GLB1L3: variants seen among roughly 807,000 people sequenced by gnomAD.
The protein encoded by GLB1L3 is beta-galactosidase-1-like protein 3.
A neutral mutation model predicts 89.5 loss-of-function variants in GLB1L3; 89 were observed. That is an observed-to-expected ratio of 0.99 (90% CI 0.84 to 1.19). The LOEUF (loss-of-function observed/expected upper bound fraction) is 1.19, where lower values mean the gene tolerates loss of function less well. Among genes scored for constraint, GLB1L3 ranks in the 50% most tolerant of loss-of-function variants. The pLI is 0.00. For synonymous variants in GLB1L3, 314 were observed against 312.3 expected (o/e 1.01, Z -0.06); for missense variants, 812 against 813.3 (o/e 1.00, Z 0.02).
At position 134,288,824 on chromosome 11, in the gene GLB1L3, G is replaced by A. The variant is rs1591544799; in HGVS notation, c.663G>A (p.Ala221=). The A allele has an allele frequency of 1.9e-6, 3 of 1,613,260 alleles. No homozygotes were observed. The highest frequency in any genetic ancestry group is 2.5e-6 in the Non-Finnish European group (3 of 1,179,640). The change falls in exon 7 of 20, where the codon GCG becomes GCA. Residue 221 remains alanine, a synonymous_variant. Coordinates refer to ENST00000431683, the MANE Select transcript of GLB1L3 (RefSeq NM_001080407.3). ...LQYRQAGPVI[A]VQVENEYGSF... ...ACCGCCAGGCAGGCCCTGTCATCGCGGTGCAAGTGGAGAATGAGTATGGCT... is the reference window on the plus strand; with the variant it reads ...ACCGCCAGGCAGGCCCTGTCATCGCAGTGCAAGTGGAGAATGAGTATGGCT...
In GLB1L3 at chr11:134,307,108, T is replaced by C; in HGVS notation, c.877-16T>C. 1 of 1,605,112 alleles carries C rather than the reference T, an allele frequency of 6.2e-7. No homozygotes were observed. Among genetic ancestry groups the C allele is most frequent in the Non-Finnish European group, 8.5e-7 (1 of 1,173,986 alleles). ...GTTTTTTGCCAGACTTAGTATTTGCTTTGGTTTGTTTTTAGAGAGATAAGC... is the reference window on the plus strand; with the variant it reads ...GTTTTTTGCCAGACTTAGTATTTGCCTTGGTTTGTTTTTAGAGAGATAAGC... On this transcript the variant is annotated splice_polypyrimidine_tract_variant and intron_variant, in intron 9 of 19. Transcript: ENST00000431683.
At chr11:134,311,251 G>A in intron 13 of GLB1L3, 81 bp downstream of exon 13, 2 of 1,003,068 alleles carry the variant, frequency 2.0e-6, no homozygotes, top group Non-Finnish European at 1.6e-6. Flanking sequence ...TTTTTATTAG[G>A]AAGTGGGAAA....
intron 10 of GLB1L3, among the ~76,000 whole-genome samples, chr11:134,308,627 AT>A (rs1942543923): frequency 6.7e-6 from 1 of 149,032 alleles, no homozygotes; most frequent in Admixed American, 6.7e-5. Flanking sequence ...TATCACCACC[AT>A]CACCATCAAC....
intron 9 of GLB1L3, among the ~76,000 whole-genome samples, chr11:134,298,147 T>C (rs1183959483): frequency 6.6e-6 from 1 of 152,044 alleles, no homozygotes; most frequent in Non-Finnish European, 1.5e-5. Flanking sequence ...GAGTGTAATA[T>C]GCCTAGATGT....
chr11:134,318,759 C>T lies in GLB1L3; in HGVS notation c.1896+12C>T. 1 of 1,569,596 alleles carries T rather than the reference C, an allele frequency of 6.4e-7. No homozygotes were observed. The highest frequency in any genetic ancestry group is 8.8e-7 in the Non-Finnish European group (1 of 1,140,342). On this transcript the variant is annotated intron_variant, in intron 19 of 19. Coordinates refer to ENST00000431683, the MANE Select transcript of GLB1L3 (RefSeq NM_001080407.3). The stretch of plus-strand genomic sequence containing the variant: ...CAGAAGACAATGAGGTATGTCACTC[C>T]AGTCTCTGCCTTGAGATCTCATAAA...
intron 9 of GLB1L3, chr11:134,305,003 CTAACAATGTATCTTAGTGGCATAA>C (rs1221851450): frequency 3.2e-6 from 4 of 1,235,444 alleles, no homozygotes; most frequent in Admixed American, 2.5e-5. Flanking sequence ...TGCGACTGCG[CTAACAATGTATCTTAGTGGCATAA>C]TAACAATGTA....
rs543143367 is a variant in GLB1L3 at position 134,300,318 on chromosome 11, T to C, written c.877-6806T>C. 3.6e-4 allele frequency among the ~76,000 whole-genome samples: 50 copies of C among 137,120 alleles called. No homozygotes were observed. In the South Asian group the frequency reaches 0.012, roughly 32 times the overall value. 90.0% of individuals were successfully genotyped at this position (137,120 alleles called of 152,430 possible). A position where few individuals can be genotyped will look rare whatever the true frequency, so the allele number is the denominator to read the frequency against. ...ACCAGACATATTGGATTAGGGCCCA[T>C]CCTATTGACCACATTTTTTTTTTTT... On this transcript the variant is annotated intron_variant, in intron 9 of 19. Coordinates refer to ENST00000431683, the MANE Select transcript of GLB1L3 (RefSeq NM_001080407.3).
intron 12 of GLB1L3, 39 bp downstream of exon 12, chr11:134,310,690 C>A: frequency 6.9e-7 from 1 of 1,452,964 alleles, no homozygotes; most frequent in Non-Finnish European, 9.6e-7. Context: ...CAGCCCTCCT[C>A]ATGTGGAGTC....
intron 3 of GLB1L3, among the ~76,000 whole-genome samples, chr11:134,278,284 AAT>A (rs2136102727): frequency 6.6e-6 from 1 of 152,110 alleles, no homozygotes; most frequent in Admixed American, 6.5e-5. Flanking sequence ...AACAAAAAAA[AAT>A]TTTTTTTTTT....
chr11:134,286,515 C>T (rs1362572541), intron 6 of GLB1L3, among the ~76,000 whole-genome samples: 1 of 17,332 alleles, frequency 5.8e-5, no homozygotes, highest in Non-Finnish European at 5.1e-4. Flanking sequence ...GTGGCTCACG[C>T]CTGTTAATCC....
At chr11:134,310,435 C>T (rs1942666932) in intron 11 of GLB1L3, 136 bp from the exon 12 acceptor site, 1 of 644,762 alleles carries the variant, frequency 1.6e-6, no homozygotes, top group Non-Finnish European at 2.7e-6. Flanking sequence ...AGACTGGCAT[C>T]ACACACCCAC....
In GLB1L3 at chr11:134,291,270, ATG is replaced by A. The variant is rs530731648; in HGVS notation, c.730-861_730-860del. On this transcript the variant is annotated intron_variant, in intron 7 of 19. Coordinates refer to ENST00000431683, the MANE Select transcript of GLB1L3 (RefSeq NM_001080407.3). The stretch of plus-strand genomic sequence containing the variant: ...ATGCAACCTATGCACATCCTCCCAT[ATG>A]CTTTTTTTTTTTTTTTCTGAGATAG... 5.8e-4 allele frequency among the ~76,000 whole-genome samples: 83 copies of A among 143,094 alleles called. 1 individual carries two copies. Among genetic ancestry groups the A allele is most frequent in the Admixed American group, 2.6e-3 (36 of 13,900 alleles). 93.9% of individuals were successfully genotyped at this position (143,094 alleles called of 152,430 possible).
chr11:134,295,870 A>G (rs903451874), intron 9 of GLB1L3, among the ~76,000 whole-genome samples: 5 of 152,074 alleles, frequency 3.3e-5, no homozygotes, highest in African/African-American at 4.8e-5. Context: ...TCTTTATTCC[A>G]TGCCTCAGTT....
chr11:134,277,676 C>A (rs751134407), intron 2 of GLB1L3, 24 bp from the exon 3 acceptor site: 73 of 1,585,742 alleles, frequency 4.6e-5, no homozygotes, highest in Non-Finnish European at 6.0e-5. Context: ...TTTCCACTTT[C>A]TTTCCCTCGC....
chr11:134,288,821 C>T lies in GLB1L3; in HGVS notation c.660C>T (p.Ile220=), dbSNP rs1214482007. 4 of 1,613,224 alleles carry T rather than the reference C, an allele frequency of 2.5e-6. No homozygotes were observed. Among genetic ancestry groups the T allele is most frequent in the Non-Finnish European group, 3.4e-6 (4 of 1,179,494 alleles). The change falls in exon 7 of 20, where the codon ATC becomes ATT. Residue 220 remains isoleucine, a synonymous_variant. Coordinates refer to ENST00000431683, the MANE Select transcript of GLB1L3 (RefSeq NM_001080407.3). The part of the protein sequence containing the change: ...PLQYRQAGPV[I]AVQVENEYGS... ...AGTACCGCCAGGCAGGCCCTGTCATCGCGGTGCAAGTGGAGAATGAGTATG... is the reference window on the plus strand; with the variant it reads ...AGTACCGCCAGGCAGGCCCTGTCATTGCGGTGCAAGTGGAGAATGAGTATG...
the GLB1L3 span, among the ~76,000 whole-genome samples, chr11:134,324,823 T>G: frequency 2.6e-5 from 4 of 152,220 alleles, no homozygotes; most frequent in South Asian, 8.3e-4. Context: ...TAAATGGTAC[T>G]CATCAAGCAA....
intron 16 of GLB1L3, 143 bp downstream of exon 16, chr11:134,313,617 G>A: frequency 1.4e-6 from 1 of 730,818 alleles, no homozygotes. Context: ...TGCAAAATCG[G>A]CCCCTCGCCC....
chr11:134,276,996 G>C (rs1036476864), intron 1 of GLB1L3, among the ~76,000 whole-genome samples: 2 of 152,248 alleles, frequency 1.3e-5, no homozygotes, highest in Admixed American at 6.5e-5. Context: ...CGCAGGCCAG[G>C]GGCTCCAGCG....
chr11:134,276,415 A>C lies in GLB1L3; in HGVS notation c.-326A>C. ...AGCCGGCTGTCGACCCAGGTTAGGA[A>C]GCCCGAGGTCGGGGCGTTACCCCAA... On this transcript the variant is annotated 5_prime_UTR_variant, in exon 1 of 20. Coordinates refer to ENST00000431683, the MANE Select transcript of GLB1L3 (RefSeq NM_001080407.3). The C allele has an allele frequency of 3.5e-6, 1 of 282,578 alleles. No homozygotes were observed. The allele number at this position is 282,578 out of a possible 1,614,324, so 17.5% of individuals were successfully genotyped here.
Sources: allele counts gnomAD v4.1 joint callset (sites outside exome capture counted in the v4.1 genomes callset), GRCh38; gene constraint gnomAD v4.1.1; transcripts MANE v1.5; gene names NCBI Gene and HGNC (gene_info 2026-07-23, HGNC 2026-07-21).